The following NR2C2 variants were observed in gnomAD, a reference collection of about 807,000 sequenced individuals.
NR2C2 encodes nuclear receptor subfamily 2 group C member 2.
A neutral mutation model predicts 62.9 loss-of-function variants in NR2C2; 6 were observed. The ratio of observed to expected loss-of-function variants is 0.10; its 90% CI spans 0.05 to 0.19. NR2C2 has a LOEUF of 0.19. NR2C2 is among the 10% of genes least tolerant of loss of function. NR2C2 has a pLI of 1.00. For synonymous variants in NR2C2, 272 were observed against 273.8 expected (o/e 0.99, Z 0.07); for missense variants, 479 against 762.7 (o/e 0.63, Z 4.38).
intron 1 of NR2C2, among the ~76,000 whole-genome samples, chr3:14,983,621 C>T (rs544205455): frequency 6.6e-6 from 1 of 152,198 alleles, no homozygotes; most frequent in South Asian, 2.1e-4. Context: ...CCCTTTTCTC[C>T]TCCCTCCTAT....
chr3:15,048,539 A>G lies in NR2C2; in HGVS notation c.*5531A>G, dbSNP rs2042536864. 6.6e-6 allele frequency: 1 copy of G among 152,436 alleles called. No individual in the cohort carries two copies. Among genetic ancestry groups the G allele is most frequent in the Non-Finnish European group, 1.5e-5 (1 of 68,042 alleles). The allele number at this position is 152,436 out of a possible 1,614,324, so 9.4% of individuals were successfully genotyped here. On this transcript the variant is annotated 3_prime_UTR_variant, in exon 14 of 14. Transcript: ENST00000425241. ...GAAAAAAAATGTTCAACATTTATTG[A>G]TTGATAGACTGTTAAAATTTAATGT...
chr3:15,024,361 T>C (rs1452941746), intron 7 of NR2C2, among the ~76,000 whole-genome samples, 153 bp downstream of exon 7: 1 of 152,234 alleles, frequency 6.6e-6, no homozygotes, highest in East Asian at 1.9e-4. Flanking sequence ...ATAGCTATCT[T>C]GTGATTTGTT....
intron 1 of NR2C2, among the ~76,000 whole-genome samples, chr3:14,997,024 G>C (rs3846126): frequency 3.3e-5 from 5 of 152,148 alleles, no homozygotes; most frequent in African/African-American, 1.2e-4. Context: ...TGCCAGTGAA[G>C]AATTTTCAAT....
At chr3:15,002,901 A>T (rs1384013386) in intron 1 of NR2C2, among the ~76,000 whole-genome samples, 19 of 148,022 alleles carry the variant, frequency 1.3e-4, no homozygotes, top group Admixed American at 1.2e-3. Context: ...CAAGTGATCC[A>T]CCCACCTCGG....
chr3:15,006,171 C>T (rs1204026614), intron 2 of NR2C2, among the ~76,000 whole-genome samples: 1 of 152,078 alleles, frequency 6.6e-6, no homozygotes, highest in African/African-American at 2.4e-5. Flanking sequence ...CATGCCACTG[C>T]ACTCCAGCCT....
At chr3:14,961,508 C>T (rs1447028407) in intron 1 of NR2C2, among the ~76,000 whole-genome samples, 2 of 152,126 alleles carry the variant, frequency 1.3e-5, no homozygotes, top group African/African-American at 4.8e-5. Flanking sequence ...ACCTTGGGAC[C>T]TATACAGTCA....
intron 1 of NR2C2, among the ~76,000 whole-genome samples, chr3:14,974,559 T>C (rs2040146143): frequency 6.6e-6 from 1 of 152,106 alleles, no homozygotes; most frequent in Non-Finnish European, 1.5e-5. Flanking sequence ...CTTTAATTTC[T>C]TTCCATGGTG....
At chr3:15,041,552 T>C (rs368791279) in intron 13 of NR2C2, among the ~76,000 whole-genome samples, 8 of 152,176 alleles carry the variant, frequency 5.3e-5, no homozygotes, top group African/African-American at 1.7e-4. Flanking sequence ...AAGAAAACTT[T>C]TTAAAAAGCA....
At chr3:15,031,668 C>A (rs1413985998) in intron 9 of NR2C2, among the ~76,000 whole-genome samples, 3 of 152,106 alleles carry the variant, frequency 2.0e-5, no homozygotes, top group African/African-American at 7.2e-5. Flanking sequence ...TTAGCTCTTA[C>A]TTACTGCTAC....
At chr3:15,000,814 G>GTTT (rs60214973) in intron 1 of NR2C2, among the ~76,000 whole-genome samples, 19 of 127,028 alleles carry the variant, frequency 1.5e-4, no homozygotes, top group African/African-American at 4.2e-4. Context: ...ATTTATTTAG[G>GTTT]TTTTTTTTTT....
intron 1 of NR2C2, among the ~76,000 whole-genome samples, chr3:14,964,258 T>A (rs1431568881): frequency 6.6e-6 from 1 of 152,226 alleles, no homozygotes; most frequent in East Asian, 1.9e-4. Context: ...GAGCTATACA[T>A]ACTTTTAAGA....
Position 15,043,076 on chromosome 3 carries a change from G to A in NR2C2, c.*68G>A. ...GACCGTTCACATACAAAGAAAAGTA[G>A]TGGTATTTTGGTATGTGCAAATATT... On this transcript the variant is annotated 3_prime_UTR_variant, in exon 14 of 14. Coordinates refer to ENST00000425241, the MANE Select transcript of NR2C2 (RefSeq NM_001291694.2). The A allele has an allele frequency of 1.4e-6, 2 of 1,460,382 alleles. No individual in the cohort carries two copies. Among genetic ancestry groups the A allele is most frequent in the East Asian group, 4.7e-5 (2 of 42,408 alleles). The allele number at this position is 1,460,382 out of a possible 1,614,324, so 90.5% of individuals were successfully genotyped here.
At chr3:14,954,943 G>A (rs1413590493) in intron 1 of NR2C2, among the ~76,000 whole-genome samples, 1 of 152,148 alleles carries the variant, frequency 6.6e-6, no homozygotes, top group East Asian at 1.9e-4. Flanking sequence ...GGATTCTCGT[G>A]CCACAGCCTC....
chr3:14,953,967 G>T (rs893779354), intron 1 of NR2C2, among the ~76,000 whole-genome samples: 9 of 151,524 alleles, frequency 5.9e-5, no homozygotes, highest in Non-Finnish European at 1.0e-4. Flanking sequence ...GCTTCATGCT[G>T]CATTTCCCCC....
rs2039170899 is a variant in NR2C2 at position 14,947,916 on chromosome 3, AAAGAG to A, written c.-40+11_-40+15del. ...GGCGCCAAATCCTGAGGTAAAATTGAAAGAGGGTCGGGCGGGCTCGGGCCGGCGGC... is the reference window on the plus strand; with the variant it reads ...GGCGCCAAATCCTGAGGTAAAATTGAGGTCGGGCGGGCTCGGGCCGGCGGC... On this transcript the variant is annotated intron_variant, in intron 1 of 13. Coordinates refer to ENST00000425241, the MANE Select transcript of NR2C2 (RefSeq NM_001291694.2). 6.8e-6 allele frequency: 1 copy of A among 147,818 alleles called. No individual in the cohort carries two copies. Among genetic ancestry groups the A allele is most frequent in the South Asian group, 2.1e-4 (1 of 4,814 alleles). 9.2% of individuals were successfully genotyped at this position (147,818 alleles called of 1,614,324 possible). A position where few individuals can be genotyped will look rare whatever the true frequency, so the allele number is the denominator to read the frequency against.
intron 1 of NR2C2, among the ~76,000 whole-genome samples, chr3:14,957,600 G>T (rs962380665): frequency 3.9e-5 from 6 of 152,052 alleles, no homozygotes; most frequent in Non-Finnish European, 7.4e-5. Context: ...TATTTTTTTA[G>T]AGATAAGGTC....
At chr3:15,029,067 T>G (rs533411345) in intron 8 of NR2C2, among the ~76,000 whole-genome samples, 3 of 152,056 alleles carry the variant, frequency 2.0e-5, no homozygotes, top group East Asian at 3.9e-4. Flanking sequence ...CCTTTCCTAC[T>G]TCTATTTTAA....
At chr3:15,017,105 C>G (rs986367723) in intron 4 of NR2C2, among the ~76,000 whole-genome samples, 2 of 152,152 alleles carry the variant, frequency 1.3e-5, no homozygotes, top group Non-Finnish European at 2.9e-5. Context: ...CACTGTAGTC[C>G]TGGTTTTTGT....
chr3:14,996,156 G>C (rs111914178), intron 1 of NR2C2, among the ~76,000 whole-genome samples: 3 of 152,290 alleles, frequency 2.0e-5, no homozygotes, highest in African/African-American at 7.2e-5. Flanking sequence ...AAGCACAAAA[G>C]ATTTTAATGT....
Sources: allele counts gnomAD v4.1 joint callset (sites outside exome capture counted in the v4.1 genomes callset), GRCh38; gene constraint gnomAD v4.1.1; transcripts MANE v1.5; gene names NCBI Gene and HGNC (gene_info 2026-07-23, HGNC 2026-07-21).